FAF1: variants seen among roughly 807,000 people sequenced by gnomAD.
The protein encoded by FAF1 is Fas associated factor 1.
A neutral mutation model predicts 92.5 loss-of-function variants in FAF1; 25 were observed. The ratio of observed to expected loss-of-function variants is 0.27; its 90% CI spans 0.20 to 0.38. FAF1 has a LOEUF of 0.38. FAF1 is among the 10% of genes least tolerant of loss of function. FAF1 has a pLI of 1.00. For synonymous variants in FAF1, 234 were observed against 273.2 expected (o/e 0.86, Z 1.42); for missense variants, 636 against 793.3 (o/e 0.80, Z 2.38).
At chr1:50,562,916 A>G (rs1241165023) in intron 13 of FAF1, among the ~76,000 whole-genome samples, 1 of 152,230 alleles carries the variant, frequency 6.6e-6, no homozygotes, top group Non-Finnish European at 1.5e-5. Flanking sequence ...ATATTCAGAA[A>G]AAAATTGTGT....
chr1:50,786,358 C>A (rs573408431), intron 4 of FAF1, among the ~76,000 whole-genome samples: 29 of 152,216 alleles, frequency 1.9e-4, no homozygotes, highest in African/African-American at 6.5e-4. Context: ...GCCATCACAG[C>A]GGGCAAATAC....
At chr1:50,727,989 C>G (rs1380684082) in intron 6 of FAF1, among the ~76,000 whole-genome samples, 2 of 152,176 alleles carry the variant, frequency 1.3e-5, no homozygotes, top group African/African-American at 2.4e-5. Context: ...TGCTTCTCAA[C>G]TTGCAGATGG....
At chr1:50,841,750 G>C (rs974346407) in intron 2 of FAF1, among the ~76,000 whole-genome samples, 1 of 151,894 alleles carries the variant, frequency 6.6e-6, no homozygotes, top group South Asian at 2.1e-4. Context: ...AAGCCAGATA[G>C]TAAAATTTTT....
At chr1:50,519,683 C>T (rs934468088) in intron 15 of FAF1, among the ~76,000 whole-genome samples, 5 of 152,148 alleles carry the variant, frequency 3.3e-5, no homozygotes, top group African/African-American at 1.2e-4. Flanking sequence ...AAATTAGAAT[C>T]TTTCTGCCTA....
intron 13 of FAF1, among the ~76,000 whole-genome samples, chr1:50,562,550 G>A (rs1649972769): frequency 6.6e-6 from 1 of 152,200 alleles, no homozygotes; most frequent in African/African-American, 2.4e-5. Context: ...AATAGAAAGA[G>A]TAAAGTTCTA....
intron 2 of FAF1, among the ~76,000 whole-genome samples, chr1:50,809,981 C>G (rs114054879): frequency 3.3e-5 from 5 of 152,184 alleles, no homozygotes; most frequent in South Asian, 2.1e-4. Flanking sequence ...ATTGGCTTGG[C>G]GCAGTGGCTC....
At chr1:50,573,015 A>G (rs1281553871) in intron 12 of FAF1, among the ~76,000 whole-genome samples, 1 of 152,068 alleles carries the variant, frequency 6.6e-6, no homozygotes, top group Non-Finnish European at 1.5e-5. Flanking sequence ...TGAATTTTAA[A>G]AGTAGGACAT....
intron 1 of FAF1, among the ~76,000 whole-genome samples, chr1:50,913,817 C>T (rs1037184500): frequency 6.6e-6 from 1 of 152,168 alleles, no homozygotes; most frequent in Non-Finnish European, 1.5e-5. Context: ...GCAGGAAGAA[C>T]TTCCTAGACT....
chr1:50,593,852 G>C (rs1422421215), intron 9 of FAF1, among the ~76,000 whole-genome samples: 2 of 152,074 alleles, frequency 1.3e-5, no homozygotes, highest in African/African-American at 4.8e-5. Flanking sequence ...CGTATTCAAA[G>C]GATGGCTGGA....
intron 1 of FAF1, among the ~76,000 whole-genome samples, chr1:50,859,779 C>T (rs1644418044): frequency 6.6e-6 from 1 of 151,744 alleles, no homozygotes; most frequent in Non-Finnish European, 1.5e-5. Context: ...AAAAAGAGCC[C>T]AAATAGCCAA....
intron 17 of FAF1, among the ~76,000 whole-genome samples, chr1:50,481,978 C>T (rs1012015902): frequency 5.6e-4 from 85 of 152,104 alleles, no homozygotes; most frequent in Non-Finnish European, 1.2e-3. Flanking sequence ...TTGGGAAGGA[C>T]AATTAATAAT....
At chr1:50,945,465 C>G (rs1456194907) in intron 1 of FAF1, among the ~76,000 whole-genome samples, 1 of 152,172 alleles carries the variant, frequency 6.6e-6, no homozygotes, top group Non-Finnish European at 1.5e-5. Flanking sequence ...GCAGGAGGCA[C>G]AAGTCTGGCA....
intron 1 of FAF1, among the ~76,000 whole-genome samples, chr1:50,885,283 C>T (rs1178451141): frequency 7.1e-6 from 1 of 140,348 alleles, no homozygotes; most frequent in Non-Finnish European, 1.5e-5. Flanking sequence ...TTCCCATTCT[C>T]TCCGTGTCTC....
chr1:50,547,409 GCCACGTAATT>G (rs1221219367), intron 13 of FAF1, among the ~76,000 whole-genome samples: 5 of 148,996 alleles, frequency 3.4e-5, no homozygotes, highest in African/African-American at 1.0e-4. Flanking sequence ...GTTTTAAAAA[GCCACGTAATT>G]TTTTTTTTTT....
chr1:50,628,409 G>A (rs995048760), intron 8 of FAF1, among the ~76,000 whole-genome samples: 1 of 152,164 alleles, frequency 6.6e-6, no homozygotes, highest in African/African-American at 2.4e-5. Context: ...CTAATGTTCA[G>A]TATAAGGAGC....
At chr1:50,889,162 A>T (rs1417213682) in intron 1 of FAF1, among the ~76,000 whole-genome samples, 1 of 150,594 alleles carries the variant, frequency 6.6e-6, no homozygotes, top group Admixed American at 6.6e-5. Flanking sequence ...AGAGGTGTTT[A>T]CAGTATTCTC....
At chr1:50,630,826 ATCTTTT>A (rs1425974763) in intron 8 of FAF1, among the ~76,000 whole-genome samples, 2 of 125,336 alleles carry the variant, frequency 1.6e-5, no homozygotes, top group African/African-American at 6.3e-5. Context: ...AGTGTATCAT[ATCTTTT>A]TTTTTTTTTT....
intron 4 of FAF1, among the ~76,000 whole-genome samples, chr1:50,778,889 C>T (rs1160006930): frequency 6.6e-6 from 1 of 151,940 alleles, no homozygotes; most frequent in Non-Finnish European, 1.5e-5. Flanking sequence ...CGATTAACTT[C>T]CTTTCATGAA....
At chr1:50,718,375 T>A (rs1658277040) in intron 6 of FAF1, among the ~76,000 whole-genome samples, 2 of 152,172 alleles carry the variant, frequency 1.3e-5, no homozygotes, top group African/African-American at 4.8e-5. Flanking sequence ...ACTTGCTGCA[T>A]CAAGTAGAGC....
Sources: allele counts gnomAD v4.1 joint callset (sites outside exome capture counted in the v4.1 genomes callset), GRCh38; gene constraint gnomAD v4.1.1; transcripts MANE v1.5; gene names NCBI Gene and HGNC (gene_info 2026-07-23, HGNC 2026-07-21).